NUP210L: variants seen among roughly 807,000 people sequenced by gnomAD.
The protein encoded by NUP210L is nucleoporin 210 like, also known as nuclear pore membrane glycoprotein 210-like.
Under a neutral mutation model 208.5 loss-of-function variants are expected in NUP210L, and 74 were observed. The ratio of observed to expected loss-of-function variants is 0.35; its 90% confidence interval spans 0.29 to 0.43. The LOEUF is 0.43. NUP210L is among the 20% of genes least tolerant of loss of function. NUP210L has a pLI of 1.00. For missense variants in NUP210L, 1,843 were observed against 2,289.4 expected (o/e 0.81, Z 3.98); for synonymous variants, 780 against 816.9 (o/e 0.95, Z 0.77).
intron 39 of NUP210L, 36 bp downstream of exon 39, chr1:153,992,979 T>C (rs778390240): frequency 6.2e-7 from 1 of 1,609,328 alleles, no homozygotes; most frequent in Non-Finnish European, 8.5e-7. Context: ...CGTGTGTATC[T>C]GAGCTTTTCA....
intron 2 of NUP210L, among the ~76,000 whole-genome samples, chr1:154,146,760 C>G (rs920057822): frequency 7.2e-5 from 11 of 152,134 alleles, no homozygotes; most frequent in African/African-American, 1.2e-4. Context: ...GTGGTTAATA[C>G]ATGTGCACAA....
chr1:154,139,734 G>T, intron 5 of NUP210L, 68 bp downstream of exon 5: 1 of 1,209,556 alleles, frequency 8.3e-7, no homozygotes, highest in Non-Finnish European at 1.2e-6. Context: ...TGTAGTACCT[G>T]GGCAACAGAG....
chr1:154,088,589 G>T (rs1655743688), intron 16 of NUP210L, among the ~76,000 whole-genome samples: 1 of 152,140 alleles, frequency 6.6e-6, no homozygotes, highest in South Asian at 2.1e-4. Flanking sequence ...TTGATGTGAA[G>T]TCTGACTCAA....
Position 154,103,700 on chromosome 1 carries a change from AC to A in NUP210L, c.1819+311del, listed in dbSNP as rs1369754641. Among the ~76,000 whole-genome samples, 149 of 151,368 alleles carry A rather than the reference AC, an allele frequency of 9.8e-4. 1 individual carries two copies. The highest frequency in any genetic ancestry group is 1.6e-3 in the Non-Finnish European group (108 of 67,782). ...AAAAAAAAAAAAAAGAAAAAAAAAA[AC>A]AAAAGCGAGACACTGTCTCAAAAAA... is the stretch of plus-strand genomic sequence containing the variant. On this transcript the variant is annotated intron_variant, in intron 13 of 39. Transcript: ENST00000368559.
exon 27 of NUP210L, chr1:154,046,087 T>C: frequency 6.2e-7 from 1 of 1,614,090 alleles, no homozygotes; most frequent in Non-Finnish European, 8.5e-7. Context: ...GCCTGGGCAC[T>C]AGATCCAATA....
chr1:154,139,766 C>T, intron 5 of NUP210L, 36 bp downstream of exon 5: 1 of 1,561,456 alleles, frequency 6.4e-7, no homozygotes, highest in Non-Finnish European at 8.7e-7. Context: ...CTTGAAAAAA[C>T]AAGTAAGGAA....
intron 13 of NUP210L, among the ~76,000 whole-genome samples, chr1:154,101,041 G>A (rs1386116805): frequency 6.6e-6 from 1 of 150,878 alleles, no homozygotes; most frequent in Non-Finnish European, 1.5e-5. Context: ...GTGTGGCGGT[G>A]CATACCTGTA....
chr1:153,993,458 C>T (rs1331380478), intron 38 of NUP210L, among the ~76,000 whole-genome samples: 1 of 151,838 alleles, frequency 6.6e-6, no homozygotes, highest in Non-Finnish European at 1.5e-5. Flanking sequence ...CCCAGCTACT[C>T]AGGAGGCTGA....
intron 21 of NUP210L, 71 bp downstream of exon 21, chr1:154,058,494 C>T: frequency 6.6e-7 from 1 of 1,523,320 alleles, no homozygotes; most frequent in Non-Finnish European, 8.9e-7. Flanking sequence ...TGAGCAGAGA[C>T]TATATTAAGG....
At chr1:154,101,312 C>A (rs1490127472) in intron 13 of NUP210L, among the ~76,000 whole-genome samples, 2 of 151,680 alleles carry the variant, frequency 1.3e-5, no homozygotes, top group African/African-American at 4.8e-5. Context: ...CCCGTCTCTA[C>A]TAAAAATACA....
intron 17 of NUP210L, among the ~76,000 whole-genome samples, chr1:154,066,775 A>T (rs1654443114): frequency 6.6e-6 from 1 of 152,234 alleles, no homozygotes; most frequent in Non-Finnish European, 1.5e-5. Context: ...CACCAATCCC[A>T]CAGAAATACA....
intron 10 of NUP210L, among the ~76,000 whole-genome samples, chr1:154,119,895 T>C (rs991354567): frequency 1.3e-5 from 2 of 152,224 alleles, no homozygotes; most frequent in Non-Finnish European, 2.9e-5. Flanking sequence ...TTATAATCCT[T>C]TGGGTATATA....
intron 14 of NUP210L, among the ~76,000 whole-genome samples, chr1:154,096,527 G>C (rs1656188202): frequency 6.6e-6 from 1 of 151,756 alleles, no homozygotes; most frequent in Non-Finnish European, 1.5e-5. Context: ...TTGGGAGGCT[G>C]AGGTGGGTGG....
At chr1:154,025,760 C>G (rs764580898) in intron 29 of NUP210L, 44 bp from the exon 30 acceptor site, 1 of 1,553,896 alleles carries the variant, frequency 6.4e-7, no homozygotes, top group South Asian at 1.2e-5. Flanking sequence ...GGGGTCCTGT[C>G]TGACCAGAGA....
At chr1:154,075,776 G>A (rs971317158) in intron 16 of NUP210L, among the ~76,000 whole-genome samples, 3 of 151,886 alleles carry the variant, frequency 2.0e-5, no homozygotes, top group Non-Finnish European at 2.9e-5. Flanking sequence ...GAGCTTACAA[G>A]GCAAATACTT....
intron 37 of NUP210L, among the ~76,000 whole-genome samples, chr1:153,997,459 T>C (rs963731895): frequency 6.9e-6 from 1 of 145,790 alleles, no homozygotes; most frequent in African/African-American, 2.5e-5. Flanking sequence ...GTTTTTCTTT[T>C]CTTTTCTGTT....
chr1:154,087,735 A>G (rs1655697394), intron 16 of NUP210L, among the ~76,000 whole-genome samples: 1 of 152,278 alleles, frequency 6.6e-6, no homozygotes, highest in Non-Finnish European at 1.5e-5. Flanking sequence ...GTATATCTAC[A>G]CAATGGAATA....
At chr1:154,141,476 G>T in exon 4 of NUP210L, 1 of 1,612,908 alleles carries the variant, frequency 6.2e-7, no homozygotes. Context: ...GTTGTCCTGG[G>T]CAATGCTCCA....
At chr1:154,140,089 GC>G (rs1658763069) in intron 4 of NUP210L, 137 bp from the exon 5 acceptor site, 1 of 681,392 alleles carries the variant, frequency 1.5e-6, no homozygotes, top group Non-Finnish European at 2.4e-6. Context: ...GGTAGCTCAC[GC>G]CTGTAATCCT....
Sources: gnomAD v4.1 joint callset for allele counts (sites outside exome capture counted in the v4.1 genomes callset) on GRCh38, gnomAD v4.1.1 for gene constraint, MANE v1.5 for transcripts, NCBI Gene and HGNC (gene_info 2026-07-23, HGNC 2026-07-21) for gene names.